The following NSUN6 variants were observed in gnomAD, a reference collection of about 807,000 sequenced individuals.
NSUN6 encodes the protein NOP2/Sun RNA methyltransferase 6.
NSUN6 carries 64 observed loss-of-function variants against 58.0 expected under a neutral mutation model. The observed-to-expected ratio is 1.10, with a 90% CI of 0.90 to 1.36. NSUN6 has a LOEUF of 1.36. NSUN6 is among the 40% of genes most tolerant of loss of function. NSUN6 has a pLI of 0.00. For synonymous variants in NSUN6, 231 were observed against 193.9 expected (o/e 1.19, Z -1.59); for missense variants, 701 against 550.1 (o/e 1.27, Z -2.74).
At chr10:18,623,471 C>G (rs76568788) in intron 3 of NSUN6, among the ~76,000 whole-genome samples, 1 of 152,100 alleles carries the variant, frequency 6.6e-6, no homozygotes, top group African/African-American at 2.4e-5. Context: ...AGTTTCTCAG[C>G]ACGGTGTGGA....
At chr10:18,624,937 G>C (rs12357491) in intron 3 of NSUN6, among the ~76,000 whole-genome samples, 7,392 of 152,176 alleles carry the variant, frequency 0.049, 276 homozygotes, top group Non-Finnish European at 0.077. Context: ...TTTCCTTTCG[G>C]GAGTCTGGGA....
Position 18,609,932 on chromosome 10 carries a change from A to T in NSUN6, c.576-6T>A. ...TCATTCTTATGCCCATGCCTCTGAA[A>T]AATAGGAAATCTAACATTAGTCTGT... On this transcript the variant is annotated splice_polypyrimidine_tract_variant and splice_region_variant and intron_variant, in intron 5 of 10. Transcript: ENST00000377304. 6.4e-7 allele frequency: 1 copy of T among 1,556,528 alleles called. No homozygotes were observed. The highest frequency in any genetic ancestry group is 1.1e-5 in the South Asian group (1 of 89,676).
At chr10:18,629,411 C>G (rs1366855948) in intron 3 of NSUN6, among the ~76,000 whole-genome samples, 1 of 151,752 alleles carries the variant, frequency 6.6e-6, no homozygotes, top group East Asian at 1.9e-4. Flanking sequence ...ACAATATTAA[C>G]TTTAAATGTA....
intron 3 of NSUN6, among the ~76,000 whole-genome samples, chr10:18,630,251 A>G (rs1347247677): frequency 6.6e-6 from 1 of 150,414 alleles, no homozygotes; most frequent in African/African-American, 2.5e-5. Flanking sequence ...ACACATTCAA[A>G]GCAGTATGTA....
chr10:18,557,318 G>A (rs556399019), intron 8 of NSUN6, among the ~76,000 whole-genome samples: 8 of 151,446 alleles, frequency 5.3e-5, no homozygotes, highest in South Asian at 4.2e-4. Context: ...ATGGCGAAGC[G>A]GATGGAATGC....
intron 6 of NSUN6, among the ~76,000 whole-genome samples, chr10:18,598,005 G>A (rs752387288): frequency 6.6e-6 from 1 of 152,168 alleles, no homozygotes; most frequent in Non-Finnish European, 1.5e-5. Context: ...AATATCCCCT[G>A]TGACCCGAAT....
chr10:18,614,143 A>T (rs937148833), intron 5 of NSUN6, among the ~76,000 whole-genome samples: 5 of 152,144 alleles, frequency 3.3e-5, no homozygotes, highest in African/African-American at 9.7e-5. Context: ...TGGATAGATC[A>T]TCTAATTCTT....
intron 8 of NSUN6, among the ~76,000 whole-genome samples, chr10:18,560,310 GAT>G (rs2055396631): frequency 6.6e-6 from 1 of 150,760 alleles, no homozygotes; most frequent in Non-Finnish European, 1.5e-5. Flanking sequence ...GAATAGAATG[GAT>G]AATGGAATGG....
chr10:18,586,101 G>C lies in NSUN6; in HGVS notation c.778-8C>G. ...CAGTGCTATAACTTCTCCCTAAAAA[G>C]AAACAAAACACACACATGCAGAAAA... On this transcript the variant is annotated splice_polypyrimidine_tract_variant and splice_region_variant and intron_variant, in intron 7 of 10. Transcript: ENST00000377304. 7.0e-7 allele frequency: 1 copy of C among 1,438,480 alleles called. No individual in the cohort carries two copies. The highest frequency in any genetic ancestry group is 9.2e-7 in the Non-Finnish European group (1 of 1,089,058). The allele number at this position is 1,438,480 out of a possible 1,614,324, so 89.1% of individuals were successfully genotyped here.
At chr10:18,576,848 C>A (rs1411697851) in intron 8 of NSUN6, among the ~76,000 whole-genome samples, 1 of 152,154 alleles carries the variant, frequency 6.6e-6, no homozygotes, top group Non-Finnish European at 1.5e-5. Context: ...TGCTTTAGTA[C>A]AATTAGCTAT....
At chr10:18,601,496 T>G (rs543352732) in intron 6 of NSUN6, among the ~76,000 whole-genome samples, 10 of 115,698 alleles carry the variant, frequency 8.6e-5, no homozygotes, top group Admixed American at 6.3e-4. Flanking sequence ...AGCTCCTTAC[T>G]GAGATGTGGC....
chr10:18,560,856 G>A (rs1266757071), intron 8 of NSUN6, among the ~76,000 whole-genome samples: 1 of 149,250 alleles, frequency 6.7e-6, no homozygotes, highest in Non-Finnish European at 1.5e-5. Flanking sequence ...ATGGGGTGCA[G>A]TGGTGAACAG....
At position 18,617,337 on chromosome 10, in the gene NSUN6, G is replaced by A. The variant is rs542344625; in HGVS notation, c.312-1044C>T. The stretch of plus-strand genomic sequence containing the variant: ...TGAGTAACTGGGATTACAGGTGCTC[G>A]CCACCACACCTGGCTAACTTGTGTA... On this transcript the variant is annotated intron_variant, in intron 3 of 10. Coordinates refer to ENST00000377304, the MANE Select transcript of NSUN6 (RefSeq NM_182543.5). 6.0e-4 allele frequency among the ~76,000 whole-genome samples: 91 copies of A among 151,860 alleles called. 1 individual carries two copies. Among genetic ancestry groups the A allele is most frequent in the African/African-American group, 1.6e-3 (67 of 41,422 alleles).
chr10:18,608,531 G>C (rs2058118412), intron 6 of NSUN6, among the ~76,000 whole-genome samples: 1 of 151,642 alleles, frequency 6.6e-6, no homozygotes, highest in Admixed American at 6.6e-5. Context: ...AGCTACCCAG[G>C]AGGCTGAGGT....
chr10:18,659,292 G>C (rs528943557), upstream of NSUN6: 3 of 285,012 alleles, frequency 1.1e-5, no homozygotes, highest in East Asian at 6.4e-5. Flanking sequence ...GTGCGCCGTC[G>C]TCACGCGCCT....
chr10:18,582,194 C>G (rs768130491), intron 8 of NSUN6, among the ~76,000 whole-genome samples: 5 of 152,150 alleles, frequency 3.3e-5, no homozygotes, highest in Non-Finnish European at 5.9e-5. Flanking sequence ...TTTCTGTCTT[C>G]TGGGAGACTA....
chr10:18,629,581 C>CA (rs1168088378), intron 3 of NSUN6, among the ~76,000 whole-genome samples: 20 of 134,376 alleles, frequency 1.5e-4, no homozygotes, highest in East Asian at 5.2e-4. Context: ...TAATGGAAAA[C>CA]AAAAAAGGCA....
intron 8 of NSUN6, among the ~76,000 whole-genome samples, chr10:18,576,512 C>G (rs2056655215): frequency 6.6e-6 from 1 of 152,134 alleles, no homozygotes; most frequent in Non-Finnish European, 1.5e-5. Flanking sequence ...TTTCCTAAAA[C>G]TAAACTAAAA....
At chr10:18,633,620 A>G (rs2059113897) in intron 3 of NSUN6, among the ~76,000 whole-genome samples, 1 of 152,084 alleles carries the variant, frequency 6.6e-6, no homozygotes, top group Non-Finnish European at 1.5e-5. Flanking sequence ...ACTTAGGATC[A>G]GGACCATGCA....
Sources: allele counts gnomAD v4.1 joint callset (sites outside exome capture counted in the v4.1 genomes callset), GRCh38; gene constraint gnomAD v4.1.1; transcripts MANE v1.5; gene names NCBI Gene and HGNC (gene_info 2026-07-23, HGNC 2026-07-21).